TCF4: variants seen among roughly 807,000 people sequenced by gnomAD.
The protein encoded by TCF4 is SL3-3 enhancer factor 2.
In TCF4, 3 loss-of-function variants were observed where a neutral mutation model predicts 82.1. The observed-to-expected ratio is 0.04, with a 90% CI of 0.02 to 0.09. The LOEUF is 0.09. Among genes scored for constraint, TCF4 ranks in the 10% least tolerant of loss-of-function variants. TCF4 has a pLI of 1.00. For missense variants in TCF4, 518 were observed against 852.7 expected (o/e 0.61, Z 4.89); for synonymous variants, 276 against 309.6 (o/e 0.89, Z 1.14).
intron 3 of TCF4, among the ~76,000 whole-genome samples, chr18:55,526,467 C>T (rs2096985468): frequency 6.6e-6 from 1 of 152,096 alleles, no homozygotes; most frequent in Non-Finnish European, 1.5e-5. Flanking sequence ...TCTAAGAGTA[C>T]ATAGATAACA....
intron 13 of TCF4, among the ~76,000 whole-genome samples, chr18:55,259,043 T>C (rs559806907): frequency 2.6e-5 from 4 of 152,236 alleles, no homozygotes; most frequent in African/African-American, 9.6e-5. Context: ...TGGCCATCAT[T>C]TCTGAAAGTT....
At chr18:55,505,698 G>T (rs1179198511) in intron 3 of TCF4, among the ~76,000 whole-genome samples, 1 of 151,006 alleles carries the variant, frequency 6.6e-6, no homozygotes, top group Non-Finnish European at 1.5e-5. Context: ...CAGCTACTTG[G>T]GGGGCTGAGG....
At chr18:55,497,462 C>T (rs4801157) in intron 3 of TCF4, among the ~76,000 whole-genome samples, 29,295 of 151,966 alleles carry the variant, frequency 0.19, 3,042 homozygotes, top group East Asian at 0.42. Context: ...CTATTATATA[C>T]GGCATGCAGT....
intron 3 of TCF4, among the ~76,000 whole-genome samples, chr18:55,502,183 A>C (rs1167449680): frequency 6.6e-6 from 1 of 152,178 alleles, no homozygotes; most frequent in Non-Finnish European, 1.5e-5. Context: ...TCTATTTCTG[A>C]TATCCACCAC....
chr18:55,288,218 T>A (rs2064148622), intron 8 of TCF4, among the ~76,000 whole-genome samples: 1 of 152,128 alleles, frequency 6.6e-6, no homozygotes, highest in South Asian at 2.1e-4. Context: ...CCCGCAGCCA[T>A]CCCAGTGACA....
intron 8 of TCF4, among the ~76,000 whole-genome samples, chr18:55,326,658 T>C (rs1391882456): frequency 1.3e-5 from 2 of 152,228 alleles, no homozygotes; most frequent in Non-Finnish European, 1.5e-5. Flanking sequence ...CTTAGAGGAA[T>C]AGTAAATGTT....
At chr18:55,438,159 C>A (rs138961370) in intron 5 of TCF4, among the ~76,000 whole-genome samples, 120 of 151,158 alleles carry the variant, frequency 7.9e-4, no homozygotes, top group African/African-American at 2.6e-3. Context: ...AGAGATCATA[C>A]CACTGCACTC....
At chr18:55,546,470 C>G (rs1192862412) in intron 3 of TCF4, among the ~76,000 whole-genome samples, 1 of 152,042 alleles carries the variant, frequency 6.6e-6, no homozygotes, top group African/African-American at 2.4e-5. Flanking sequence ...ACTGTATTTG[C>G]AAAACCAATG....
chr18:55,454,349 T>G (rs1424734932), intron 5 of TCF4, among the ~76,000 whole-genome samples: 1 of 152,114 alleles, frequency 6.6e-6, no homozygotes, highest in Non-Finnish European at 1.5e-5. Flanking sequence ...GTTTAGGGTC[T>G]TCTTCTTGGT....
At chr18:55,476,405 A>G (rs1388552948) in intron 3 of TCF4, among the ~76,000 whole-genome samples, 1 of 152,198 alleles carries the variant, frequency 6.6e-6, no homozygotes, top group South Asian at 2.1e-4. Context: ...TGTTATAATC[A>G]ATATAAGGTA....
At chr18:55,481,483 C>T (rs2096430900) in intron 3 of TCF4, among the ~76,000 whole-genome samples, 1 of 152,212 alleles carries the variant, frequency 6.6e-6, no homozygotes, top group Non-Finnish European at 1.5e-5. Flanking sequence ...ACAATGGTAA[C>T]TGATTGGCAA....
At chr18:55,579,861 G>GGAATAATT (rs2097560341) in intron 3 of TCF4, among the ~76,000 whole-genome samples, 1 of 151,954 alleles carries the variant, frequency 6.6e-6, no homozygotes. Context: ...AAAGCAAAAA[G>GGAATAATT]GAATAATTTT....
chr18:55,342,457 T>G (rs2080197745), intron 8 of TCF4, among the ~76,000 whole-genome samples: 1 of 152,132 alleles, frequency 6.6e-6, no homozygotes, highest in South Asian at 2.1e-4. Flanking sequence ...AATTTCGAAT[T>G]TATTTTATGT....
chr18:55,511,276 G>T (rs2096825008), intron 3 of TCF4, among the ~76,000 whole-genome samples: 1 of 124,124 alleles, frequency 8.1e-6, no homozygotes, highest in South Asian at 2.8e-4. Flanking sequence ...TAAAATCCTA[G>T]TTTTATTTTT....
intron 5 of TCF4, among the ~76,000 whole-genome samples, chr18:55,421,059 C>T (rs1049902544): frequency 6.6e-6 from 1 of 151,646 alleles, no homozygotes; most frequent in Non-Finnish European, 1.5e-5. Flanking sequence ...GCAGTTTGCC[C>T]ACACAAAAAA....
At chr18:55,285,553 A>T (rs2063496562) in intron 8 of TCF4, among the ~76,000 whole-genome samples, 1 of 152,242 alleles carries the variant, frequency 6.6e-6, no homozygotes, top group Non-Finnish European at 1.5e-5. Context: ...ATAAAATTAA[A>T]TGTTCTGTCC....
intron 2 of TCF4, among the ~76,000 whole-genome samples, chr18:55,598,047 G>A (rs2097692991): frequency 6.6e-6 from 1 of 152,194 alleles, no homozygotes; most frequent in African/African-American, 2.4e-5. Flanking sequence ...GGGTAGGCTA[G>A]ACAAGAATAA....
intron 10 of TCF4, 126 bp downstream of exon 10, chr18:55,275,493 A>G: frequency 8.1e-7 from 1 of 1,230,846 alleles, no homozygotes; most frequent in East Asian, 2.3e-5. Flanking sequence ...ATACAACTTA[A>G]GAATAATGGG....
chr18:55,535,779 C>T (rs2097109269), intron 3 of TCF4, among the ~76,000 whole-genome samples: 1 of 152,166 alleles, frequency 6.6e-6, no homozygotes, highest in South Asian at 2.1e-4. Context: ...AACAAATTAT[C>T]AGTTCAAGGC....
Sources: gnomAD v4.1 joint callset for allele counts (sites outside exome capture counted in the v4.1 genomes callset) on GRCh38, gnomAD v4.1.1 for gene constraint, MANE v1.5 for transcripts, NCBI Gene and HGNC (gene_info 2026-07-23, HGNC 2026-07-21) for gene names.